The following NBEA variants were observed in gnomAD, a reference collection of about 807,000 sequenced individuals.
NBEA encodes the protein lysosomal-trafficking regulator 2.
Under a neutral mutation model 343.4 loss-of-function variants are expected in NBEA, and 44 were observed. The observed-to-expected ratio is 0.13, with a 90% CI of 0.10 to 0.16. The LOEUF is 0.16. Among genes scored for constraint, NBEA ranks in the 10% least tolerant of loss-of-function variants. The pLI is 1.00. For synonymous variants in NBEA, 1,175 were observed against 1,238.7 expected (o/e 0.95, Z 1.08); for missense variants, 2,555 against 3,631.3 (o/e 0.70, Z 7.62).
intron 24 of NBEA, among the ~76,000 whole-genome samples, chr13:35,165,414 A>G (rs1213111382): frequency 2.0e-5 from 3 of 152,204 alleles, no homozygotes; most frequent in Admixed American, 2.0e-4. Flanking sequence ...AAAGGGAAGC[A>G]TTCCAGTTCA....
chr13:34,953,364 G>GGA (rs1269446434), intron 1 of NBEA, among the ~76,000 whole-genome samples: 4 of 152,036 alleles, frequency 2.6e-5, no homozygotes, highest in Admixed American at 2.6e-4. Flanking sequence ...TTTAACCTTA[G>GGA]GAGATATGAG....
chr13:35,118,168 T>C, intron 14 of NBEA, 60 bp from the exon 15 acceptor site: 1 of 1,120,764 alleles, frequency 8.9e-7, no homozygotes, highest in East Asian at 2.6e-5. Context: ...TTTTGACATC[T>C]TTTTTAAATT....
At chr13:35,313,138 A>G (rs1049938783) in intron 36 of NBEA, among the ~76,000 whole-genome samples, 1 of 152,154 alleles carries the variant, frequency 6.6e-6, no homozygotes, top group South Asian at 2.1e-4. Context: ...ACATCTTGAC[A>G]CGACTGGTTG....
At chr13:35,005,501 AT>A (rs1437064543) in intron 1 of NBEA, among the ~76,000 whole-genome samples, 6 of 152,150 alleles carry the variant, frequency 3.9e-5, no homozygotes, top group Admixed American at 6.6e-5. Flanking sequence ...AAACTTAGAT[AT>A]TTTGCTGTCT....
chr13:35,184,831 A>T (rs190963837), intron 30 of NBEA, among the ~76,000 whole-genome samples: 102 of 152,226 alleles, frequency 6.7e-4, no homozygotes, highest in Non-Finnish European at 7.4e-4. Flanking sequence ...GAGATTACTG[A>T]CTTCAGAACA....
At chr13:35,105,070 G>A (rs867034112) in intron 11 of NBEA, among the ~76,000 whole-genome samples, 4 of 152,006 alleles carry the variant, frequency 2.6e-5, no homozygotes, top group Middle Eastern at 3.4e-3. Context: ...AGAGATGAGG[G>A]AAATAAGTGT....
chr13:35,130,611 C>T (rs1390973902), intron 17 of NBEA, among the ~76,000 whole-genome samples: 1 of 151,402 alleles, frequency 6.6e-6, no homozygotes, highest in Admixed American at 6.6e-5. Context: ...GAGTATTTTA[C>T]AAATTTTAAC....
At chr13:35,117,771 A>G (rs1242117471) in intron 14 of NBEA, among the ~76,000 whole-genome samples, 1 of 152,020 alleles carries the variant, frequency 6.6e-6, no homozygotes, top group African/African-American at 2.4e-5. Context: ...TATTCGAGAA[A>G]ATGATCTGTG....
rs760810672 is a variant in NBEA at position 35,352,320 on chromosome 13, A to T, written c.6176A>T (p.His2059Leu). 8 of 1,458,792 alleles carry T rather than the reference A, an allele frequency of 5.5e-6. No homozygotes were observed. Among genetic ancestry groups the T allele is most frequent in the Non-Finnish European group, 7.3e-6 (8 of 1,091,236 alleles). 90.4% of individuals were successfully genotyped at this position (1,458,792 alleles called of 1,614,324 possible). A position where few individuals can be genotyped will look rare whatever the true frequency, so the allele number is the denominator to read the frequency against. ...CATGGTGCTTGGGGAGCAGTTTCTC[A>T]TAGGTGAGTTATAATAAATTCGAGT... Reference protein sequence around the residue: ...NKHGAWGAVSHSQLHDFWRLD... With the variant: ...NKHGAWGAVSLSQLHDFWRLD... Residue 2059 changes from histidine to leucine, a missense_variant, in exon 38 of 59, where the codon CAT becomes CTT. Physicochemically the swap from His to Leu is moderately conservative, Grantham distance 99 (BLOSUM62 -3). Transcript: ENST00000379939.
Position 35,023,362 on chromosome 13 carries a change from A to G in NBEA, c.295-17571A>G, listed in dbSNP as rs1159775264. Among the ~76,000 whole-genome samples, 4 of 152,278 alleles carry G rather than the reference A, an allele frequency of 2.6e-5. 1 individual carries two copies. The highest frequency in any genetic ancestry group is 4.1e-4 in the South Asian group (2 of 4,828). ...GCCTAAGGAGATGAGAAATTATACT[A>G]CTGATCTCATACTATATTCTTAACT... On this transcript the variant is annotated intron_variant, in intron 1 of 58. Coordinates refer to ENST00000379939, the MANE Select transcript of NBEA (RefSeq NM_001385012.1).
chr13:34,949,564 C>T (rs1026774654), intron 1 of NBEA, among the ~76,000 whole-genome samples: 1 of 152,030 alleles, frequency 6.6e-6, no homozygotes, highest in Admixed American at 6.6e-5. Context: ...TCATTTTGGC[C>T]GACCCAAGGA....
intron 1 of NBEA, among the ~76,000 whole-genome samples, chr13:34,999,431 A>G (rs1177050405): frequency 1.3e-5 from 2 of 152,002 alleles, no homozygotes; most frequent in African/African-American, 2.4e-5. Context: ...TTTTGTTCTC[A>G]CAAGTCCTCT....
chr13:35,024,035 A>G (rs541101355), intron 1 of NBEA, among the ~76,000 whole-genome samples: 1 of 151,994 alleles, frequency 6.6e-6, no homozygotes, highest in African/African-American at 2.4e-5. Flanking sequence ...GTCCACATGC[A>G]CTCCATGTTT....
At chr13:35,276,584 T>C (rs1231194067) in intron 34 of NBEA, among the ~76,000 whole-genome samples, 1 of 152,190 alleles carries the variant, frequency 6.6e-6, no homozygotes, top group Admixed American at 6.5e-5. Context: ...AAGCATGGAA[T>C]TAATGTTGGC....
intron 1 of NBEA, among the ~76,000 whole-genome samples, chr13:34,965,051 A>T (rs1014517021): frequency 6.6e-6 from 1 of 152,066 alleles, no homozygotes; most frequent in Non-Finnish European, 1.5e-5. Context: ...CATTAACATT[A>T]TATGGTATAT....
intron 1 of NBEA, among the ~76,000 whole-genome samples, chr13:34,943,564 C>A (rs2059098341): frequency 6.6e-6 from 1 of 152,118 alleles, no homozygotes; most frequent in Non-Finnish European, 1.5e-5. Context: ...ATGTGAGAAG[C>A]GCATTAGCTT....
chr13:35,050,993 T>G (rs1838493), intron 6 of NBEA, among the ~76,000 whole-genome samples: 1 of 151,890 alleles, frequency 6.6e-6, no homozygotes, highest in African/African-American at 2.4e-5. Context: ...AAAGAGAAAA[T>G]GCAGAGAACT....
chr13:35,147,320 C>T (rs2152701011), intron 18 of NBEA, among the ~76,000 whole-genome samples: 1 of 152,318 alleles, frequency 6.6e-6, no homozygotes, highest in African/African-American at 2.4e-5. Flanking sequence ...ATGAATATCT[C>T]CCCAAGTTAA....
At chr13:35,179,359 C>T (rs1377963316) in intron 28 of NBEA, among the ~76,000 whole-genome samples, 1 of 151,166 alleles carries the variant, frequency 6.6e-6, no homozygotes. Context: ...TAAAGCAGAC[C>T]GGAGAAACAT....
Sources: gnomAD v4.1 joint callset for allele counts (sites outside exome capture counted in the v4.1 genomes callset) on GRCh38, gnomAD v4.1.1 for gene constraint, MANE v1.5 for transcripts, NCBI Gene and HGNC (gene_info 2026-07-23, HGNC 2026-07-21) for gene names.